Variants in ZNF578 observed in about 807,000 individuals in gnomAD.
ZNF578 encodes the protein zinc finger protein 578.
ZNF578 carries 8 observed loss-of-function variants against 8.3 expected under a neutral mutation model. That is an observed-to-expected ratio of 0.96 (90% confidence interval 0.56 to 1.74). The LOEUF (loss-of-function observed/expected upper bound fraction) is 1.74, where lower values mean the gene tolerates loss of function less well. Ranked by LOEUF, ZNF578 falls within the 40% of genes most tolerant of loss-of-function variation. The probability of loss-of-function intolerance (pLI) is 0.00; values close to 1 mark genes in which losing one functional copy is unlikely to be tolerated. For synonymous variants in ZNF578, 206 were observed against 232.2 expected (o/e 0.89, Z 1.03); for missense variants, 726 against 707.5 (o/e 1.03, Z -0.30).
At chr19:52,472,031 TC>T (rs1238123880) in intron 2 of ZNF578, among the ~76,000 whole-genome samples, 4 of 152,200 alleles carry the variant, frequency 2.6e-5, no homozygotes, top group African/African-American at 9.7e-5. Context: ...TTGGTATACT[TC>T]ATATAAATGA....
intron 2 of ZNF578, among the ~76,000 whole-genome samples, chr19:52,467,749 A>T (rs1022339198): frequency 3.3e-5 from 5 of 152,242 alleles, no homozygotes; most frequent in African/African-American, 1.2e-4. Flanking sequence ...TGTGAAATTA[A>T]CCAAATTGAT....
At position 52,516,017 on chromosome 19, in the gene ZNF578, C is replaced by G. The variant is rs1399236299; in HGVS notation, c.*3863C>G. On this transcript the variant is annotated 3_prime_UTR_variant, in exon 6 of 6. Coordinates refer to ENST00000421239, the MANE Select transcript of ZNF578 (RefSeq NM_001099694.2). ...CCGTGTGCAGGGCCCCTGCCAGTGT[C>G]CAGCCTCCTCCTGGCAGCTTGCCCT... 6.6e-6 allele frequency among the ~76,000 whole-genome samples: 1 copy of G among 152,122 alleles called. No individual in the cohort carries two copies.
chr19:52,506,852 G>C (rs1226815948), intron 5 of ZNF578, among the ~76,000 whole-genome samples: 2 of 152,192 alleles, frequency 1.3e-5, no homozygotes. Context: ...AAGTTTTACA[G>C]GACAGACTCT....
At chr19:52,508,119 T>C (rs113017198) in intron 5 of ZNF578, among the ~76,000 whole-genome samples, 16 of 151,056 alleles carry the variant, frequency 1.1e-4, no homozygotes, top group African/African-American at 3.9e-4. Context: ...GGCCGCGCAG[T>C]GCAGATCACG....
chr19:52,480,620 G>A (rs79589714), intron 2 of ZNF578, among the ~76,000 whole-genome samples: 15,132 of 151,632 alleles, frequency 0.1, 1,285 homozygotes, highest in East Asian at 0.33. Flanking sequence ...ATTTTTGGCC[G>A]GGCACAGTGG....
intron 2 of ZNF578, among the ~76,000 whole-genome samples, chr19:52,468,004 AT>A (rs955348533): frequency 9.2e-5 from 14 of 152,036 alleles, no homozygotes; most frequent in South Asian, 2.1e-4. Context: ...ACTCATGCAT[AT>A]TTTTTTTCTC....
chr19:52,510,897 C>T lies in ZNF578; in HGVS notation c.516C>T (p.Pro172=), dbSNP rs61743936. 158 of 1,614,060 alleles carry T rather than the reference C, an allele frequency of 9.8e-5. 1 individual carries two copies. In the Middle Eastern group the frequency reaches 1.5e-3, roughly 15 times the overall value. ...TTCCTGAACTCCACATATTTCAGCCCGAAGAGAAAATTGCTAATCAAGTGG... is the reference window on the plus strand; with the variant it reads ...TTCCTGAACTCCACATATTTCAGCCTGAAGAGAAAATTGCTAATCAAGTGG... The part of the protein sequence containing the change: ...LHLPELHIFQ[P]EEKIANQVEK... Residue 172 remains proline (P), a synonymous_variant, in exon 6 of 6, where the codon CCC becomes CCT. Coordinates refer to ENST00000421239, the MANE Select transcript of ZNF578 (RefSeq NM_001099694.2).
chr19:52,477,581 ATTTTCCCATTTTAGGGTTTTTTTTTT>A (rs1049849979), intron 2 of ZNF578, among the ~76,000 whole-genome samples: 2 of 145,500 alleles, frequency 1.4e-5, no homozygotes, highest in African/African-American at 5.1e-5. Context: ...CAGTTATAAC[ATTTTCCCATTTTAGGGTTTTTTTTTT>A]TTTTCCATTT....
chr19:52,501,893 C>T lies in ZNF578; in HGVS notation c.48C>T (p.Gly16=). Residue 16 remains glycine, a synonymous_variant, in exon 4 of 6, where the codon GGC becomes GGT. Coordinates refer to ENST00000421239, the MANE Select transcript of ZNF578 (RefSeq NM_001099694.2). ...AAQKRKGKEP[G]MALPQGRLTF... ...AGAAGAGGAAAGGAAAGGAGCCAGG[C>T]ATGGCTCTTCCTCAGGTGAAGTGAT... is the stretch of plus-strand genomic sequence containing the variant. The T allele has an allele frequency of 6.2e-7, 1 of 1,613,322 alleles. No individual in the cohort carries two copies. Among genetic ancestry groups the T allele is most frequent in the Non-Finnish European group, 8.5e-7 (1 of 1,179,732 alleles).
At position 52,505,490 on chromosome 19, in the gene ZNF578, C is replaced by T. The variant is rs186760317; in HGVS notation, c.190+709C>T. Among the ~76,000 whole-genome samples the T allele has an allele frequency of 4.8e-4, 73 of 152,230 alleles. 1 individual carries two copies. The highest frequency in any genetic ancestry group is 1.5e-3 in the African/African-American group (63 of 41,534). ...CAGGCCGACTGCAGTGGCACGATCT[C>T]GGCTCACTGTAAGCTCCGCCTCCCG... is the stretch of plus-strand genomic sequence containing the variant. On this transcript the variant is annotated intron_variant, in intron 5 of 5. Transcript: ENST00000421239.
At chr19:52,510,490 T>C in intron 5 of ZNF578, 82 bp from the exon 6 acceptor site, 1 of 1,391,654 alleles carries the variant, frequency 7.2e-7, no homozygotes, top group Non-Finnish European at 9.4e-7. Context: ...ATAAGTATTT[T>C]TTATTGTGTC....
chr19:52,501,858 G>T lies in ZNF578; in HGVS notation c.13G>T (p.Glu5Ter). The T allele has an allele frequency of 6.2e-7, 1 of 1,613,608 alleles. No homozygotes were observed. Among genetic ancestry groups the T allele is most frequent in the Admixed American group, 1.7e-5 (1 of 59,968 alleles). Residue 5 changes from glutamate to a stop codon, truncating the protein, a stop_gained, in exon 4 of 6, where the codon GAA becomes TAA. Transcript: ENST00000421239. LOFTEE classifies it high-confidence loss of function. ...TTTCTAAAGACTCATGTTACATGAGGAAGCAGCTCAGAAGAGGAAAGGAAA... is the reference window on the plus strand; with the variant it reads ...TTTCTAAAGACTCATGTTACATGAGTAAGCAGCTCAGAAGAGGAAAGGAAA... The part of the protein sequence containing the change: MLHE[E>*]AAQKRKGKEP...
chr19:52,463,483 G>C lies in ZNF578; in HGVS notation c.-122+6525G>C, dbSNP rs1010957589. The stretch of plus-strand genomic sequence containing the variant: ...GTCAAAATTTGGGGCATCAGTCAGT[G>C]AGGGGGAAACCAACAAGTCAGCTTG... On this transcript the variant is annotated intron_variant, in intron 2 of 5. Coordinates refer to ENST00000421239, the MANE Select transcript of ZNF578 (RefSeq NM_001099694.2). 3.9e-5 allele frequency among the ~76,000 whole-genome samples: 6 copies of C among 152,180 alleles called. 1 individual carries two copies. Among genetic ancestry groups the C allele is most frequent in the Admixed American group, 2.0e-4 (3 of 15,268 alleles).
intron 2 of ZNF578, among the ~76,000 whole-genome samples, chr19:52,475,608 C>T (rs1265695482): frequency 3.3e-5 from 5 of 152,200 alleles, no homozygotes; most frequent in Admixed American, 6.5e-5. Flanking sequence ...CCACCCGCCT[C>T]GGCATCTCAA....
intron 2 of ZNF578, chr19:52,474,134 C>T (rs1478941698): frequency 3.0e-6 from 1 of 335,292 alleles, no homozygotes; most frequent in Non-Finnish European, 6.3e-6. Context: ...GAAGACCTTG[C>T]CACGTTCATG....
At chr19:52,493,314 C>A (rs1208381718) in intron 3 of ZNF578, among the ~76,000 whole-genome samples, 7 of 152,082 alleles carry the variant, frequency 4.6e-5, no homozygotes, top group Admixed American at 1.3e-4. Flanking sequence ...CCCCTACGTC[C>A]CTCCTCGTGC....
chr19:52,461,271 G>A (rs958591977), intron 2 of ZNF578, among the ~76,000 whole-genome samples: 12 of 152,158 alleles, frequency 7.9e-5, no homozygotes, highest in Admixed American at 2.0e-4. Flanking sequence ...GAAATCAGAA[G>A]TATTTCCAAT....
chr19:52,474,911 C>A, intron 2 of ZNF578: 2 of 204,076 alleles, frequency 9.8e-6, no homozygotes, highest in South Asian at 8.6e-5. Flanking sequence ...GTCCTGTATT[C>A]ACTCACTAAT....
At chr19:52,471,914 A>T (rs1356870898) in intron 2 of ZNF578, among the ~76,000 whole-genome samples, 2 of 142,028 alleles carry the variant, frequency 1.4e-5, no homozygotes, top group Non-Finnish European at 3.0e-5. Context: ...AAAATGTATG[A>T]AGATTAGTAT....
Sources: gnomAD v4.1 joint callset for allele counts (sites outside exome capture counted in the v4.1 genomes callset) on GRCh38, gnomAD v4.1.1 for gene constraint, MANE v1.5 for transcripts, NCBI Gene and HGNC (gene_info 2026-07-23, HGNC 2026-07-21) for gene names.